GRM7: variants seen among roughly 807,000 people sequenced by gnomAD.
GRM7 encodes metabotropic glutamate receptor 7.
In GRM7, 35 loss-of-function variants were observed where a neutral mutation model predicts 84.5. That is an observed-to-expected ratio of 0.41 (90% confidence interval 0.32 to 0.55). The LOEUF (loss-of-function observed/expected upper bound fraction) is 0.55. GRM7 is among the 20% of genes least tolerant of loss of function. The pLI, the probability that GRM7 is intolerant of heterozygous loss-of-function variation, is 0.19. For synonymous variants in GRM7, 487 were observed against 455.1 expected (o/e 1.07, Z -0.89); for missense variants, 1,003 against 1,194.6 (o/e 0.84, Z 2.36).
At chr3:7,384,139 G>A (rs990597926) in intron 4 of GRM7, among the ~76,000 whole-genome samples, 1 of 151,962 alleles carries the variant, frequency 6.6e-6, no homozygotes, top group Non-Finnish European at 1.5e-5. Context: ...AGCGATTCTC[G>A]TGCCTCAGCC....
At chr3:7,143,089 G>A (rs148547446) in intron 1 of GRM7, among the ~76,000 whole-genome samples, 468 of 152,228 alleles carry the variant, frequency 3.1e-3, no homozygotes, top group Middle Eastern at 0.01. Context: ...AAGAAGACTG[G>A]CAAGAGAGAA....
intron 1 of GRM7, among the ~76,000 whole-genome samples, chr3:7,053,302 T>C (rs1365455924): frequency 6.6e-6 from 1 of 151,482 alleles, no homozygotes; most frequent in Non-Finnish European, 1.5e-5. Context: ...AATCATTTAT[T>C]GGCTAAATAT....
chr3:7,434,562 T>C lies in GRM7; in HGVS notation c.1175-18045T>C, dbSNP rs146740310. ...TTTGTATCTGTTGAGATGATAATAC[T>C]ATTTTTATTTTTTAGTTGATATCAC... is the stretch of plus-strand genomic sequence containing the variant. On this transcript the variant is annotated intron_variant, in intron 5 of 9. Transcript: ENST00000357716. Among the ~76,000 whole-genome samples the C allele has an allele frequency of 3.2e-3, 491 of 152,306 alleles. 5 individuals carry two copies. The highest frequency in any genetic ancestry group is 0.022 in the South Asian group (104 of 4,820).
intron 7 of GRM7, among the ~76,000 whole-genome samples, chr3:7,571,671 A>T (rs1012851894): frequency 2.6e-5 from 4 of 151,900 alleles, no homozygotes; most frequent in Non-Finnish European, 5.9e-5. Flanking sequence ...AACTGTTCCA[A>T]CCTCTGCCTA....
intron 7 of GRM7, among the ~76,000 whole-genome samples, chr3:7,556,581 C>T (rs1693771005): frequency 6.6e-6 from 1 of 152,050 alleles, no homozygotes; most frequent in Non-Finnish European, 1.5e-5. Context: ...TGTTTGGTGC[C>T]AGGCATTGTA....
intron 1 of GRM7, among the ~76,000 whole-genome samples, chr3:7,111,154 T>C (rs1013128180): frequency 1.3e-5 from 2 of 152,096 alleles, no homozygotes; most frequent in Non-Finnish European, 2.9e-5. Context: ...CAGGGGTTGA[T>C]CATAGCCCCT....
At chr3:7,363,060 T>A (rs144929331) in intron 4 of GRM7, among the ~76,000 whole-genome samples, 3 of 152,180 alleles carry the variant, frequency 2.0e-5, no homozygotes, top group Non-Finnish European at 2.9e-5. Context: ...CATTTGAGGA[T>A]GCAGTGAGCT....
chr3:7,024,761 ATCT>A (rs1323199234), intron 1 of GRM7, among the ~76,000 whole-genome samples: 3 of 152,178 alleles, frequency 2.0e-5, no homozygotes, highest in Non-Finnish European at 4.4e-5. Context: ...CTTACTGAAA[ATCT>A]TCTCCTAGAA....
At position 7,489,152 on chromosome 3, in the gene GRM7, C is replaced by A. The variant is rs1041110804; in HGVS notation, c.1515+27430C>A. Among the ~76,000 whole-genome samples, 6 of 152,128 alleles carry A rather than the reference C, an allele frequency of 3.9e-5. No homozygotes were observed. The East Asian group carries it at 1.2e-3, about 29-fold the overall frequency. On this transcript the variant is annotated intron_variant, in intron 7 of 9. Transcript: ENST00000357716. ...CTCTATGGATACATATTTTTAAAAACGTATTTGACTGTGGTTCACCATAAG... is the reference window on the plus strand; with the variant it reads ...CTCTATGGATACATATTTTTAAAAAAGTATTTGACTGTGGTTCACCATAAG...
At chr3:7,180,815 A>T (rs1695312694) in intron 2 of GRM7, among the ~76,000 whole-genome samples, 1 of 152,122 alleles carries the variant, frequency 6.6e-6, no homozygotes, top group Non-Finnish European at 1.5e-5. Flanking sequence ...AACACCTACC[A>T]TTGTATTCCT....
At chr3:7,599,561 A>G (rs928140251) in intron 8 of GRM7, among the ~76,000 whole-genome samples, 1 of 152,190 alleles carries the variant, frequency 6.6e-6, no homozygotes, top group Non-Finnish European at 1.5e-5. Flanking sequence ...AGCTTGACAT[A>G]GGGACATCTG....
chr3:7,664,990 A>ATTCTT (rs1699623896), intron 8 of GRM7, among the ~76,000 whole-genome samples: 1 of 152,046 alleles, frequency 6.6e-6, no homozygotes, highest in Admixed American at 6.5e-5. Flanking sequence ...TTTATTTTTC[A>ATTCTT]TTCTTTTTTC....
At chr3:7,470,081 C>G (rs1316066654) in intron 7 of GRM7, among the ~76,000 whole-genome samples, 2 of 152,190 alleles carry the variant, frequency 1.3e-5, no homozygotes, top group Non-Finnish European at 2.9e-5. Context: ...GGTGTGCGCT[C>G]TCTATGTTAC....
chr3:6,861,907 G>T lies in GRM7; in HGVS notation c.519G>T (p.Gln173His). 1 of 1,606,564 alleles carries T rather than the reference G, an allele frequency of 6.2e-7. No individual in the cohort carries two copies. ...IMVANILRLF[Q>H]IPQISYASTA... Reference sequence around the variant, plus strand: ...TAGCCAACATCCTGAGGCTCTTCCAGGTAGGGATGCGCTCCCTCCGGGGCG... The same window carrying T: ...TAGCCAACATCCTGAGGCTCTTCCATGTAGGGATGCGCTCCCTCCGGGGCG... The change falls in exon 1 of 10, where the codon CAG becomes CAT. Residue 173 changes from glutamine to histidine, a missense_variant and splice_region_variant. By Grantham distance (24) the Gln-to-His change is conservative (BLOSUM62 0). This residue lies in a region of GRM7 where 910 missense variants were observed against 1,126.0 expected (regional missense o/e 0.81). Coordinates refer to ENST00000357716, the MANE Select transcript of GRM7 (RefSeq NM_000844.4). The surrounding 1 kb of genome is among the most constrained non-coding windows in gnomAD (Gnocchi z 6.4).
At chr3:7,466,791 C>G (rs13065791) in intron 7 of GRM7, among the ~76,000 whole-genome samples, 9,950 of 152,198 alleles carry the variant, frequency 0.065, 362 homozygotes, top group South Asian at 0.13. Context: ...CCATTGGTTA[C>G]GATAGACCAA....
At chr3:7,089,120 GA>G (rs1318477636) in intron 1 of GRM7, among the ~76,000 whole-genome samples, 1 of 152,180 alleles carries the variant, frequency 6.6e-6, no homozygotes, top group East Asian at 1.9e-4. Flanking sequence ...ATCTCTTTTG[GA>G]AAATTCCAAC....
intron 8 of GRM7, among the ~76,000 whole-genome samples, chr3:7,625,244 G>A (rs1697554295): frequency 6.6e-6 from 1 of 152,036 alleles, no homozygotes; most frequent in Non-Finnish European, 1.5e-5. Context: ...TTGGAATGTT[G>A]AGGCCAATGC....
intron 9 of GRM7, among the ~76,000 whole-genome samples, chr3:7,688,507 A>G (rs950423336): frequency 6.6e-6 from 1 of 152,186 alleles, no homozygotes; most frequent in African/African-American, 2.4e-5. Context: ...TTAAACATTA[A>G]TGATAAACAT....
chr3:7,171,448 G>A (rs1243370699), intron 2 of GRM7, among the ~76,000 whole-genome samples: 1 of 152,118 alleles, frequency 6.6e-6, no homozygotes, highest in Non-Finnish European at 1.5e-5. Context: ...AGACTTCAAT[G>A]TGTCTTTATT....
Sources: gnomAD v4.1 joint callset for allele counts (sites outside exome capture counted in the v4.1 genomes callset) on GRCh38, gnomAD v4.1.1 for gene constraint, gnomAD v4.1.1 regional missense constraint, Gnocchi (gnomAD v3.1) non-coding constraint, MANE v1.5 for transcripts, NCBI Gene and HGNC (gene_info 2026-07-23, HGNC 2026-07-21) for gene names.